Variants in CEACAM19 observed in about 807,000 individuals in gnomAD.
CEACAM19 encodes CEA cell adhesion molecule 19.
Under a neutral mutation model 37.6 loss-of-function variants are expected in CEACAM19, and 37 were observed. The observed-to-expected ratio is 0.98, with a 90% CI of 0.76 to 1.29. The LOEUF (loss-of-function observed/expected upper bound fraction) is 1.29. CEACAM19 is among the 50% of genes most tolerant of loss of function. The pLI is 0.00. For missense variants in CEACAM19, 340 were observed against 375.6 expected (o/e 0.91, Z 0.78); for synonymous variants, 140 against 149.8 (o/e 0.93, Z 0.48).
Position 44,680,312 on chromosome 19 carries a change from A to AT in CEACAM19, c.686dup (p.Leu229PhefsTer6). 1 of 1,610,718 alleles carries AT rather than the reference A, an allele frequency of 6.2e-7. No individual in the cohort carries two copies. Among genetic ancestry groups the AT allele is most frequent in the Non-Finnish European group, 8.5e-7 (1 of 1,179,404 alleles). On this transcript the variant is annotated frameshift_variant, in exon 5 of 8. Transcript: ENST00000358777. LOFTEE classifies it high-confidence loss of function. ...GGATGGCGACCACAGAGAAGCCAGA[A>AT]TTGGGCCCTGCTCATGATGCTGGTA...
At position 44,671,925 on chromosome 19, in the gene CEACAM19, C is replaced by G; in HGVS notation, c.-7C>G. ...GTGGCCCCTTGGCATTTCCACAAGA[C>G]GCCAAGATGGAGATTCCCATGGGGA... On this transcript the variant is annotated 5_prime_UTR_variant, in exon 1 of 8. Coordinates refer to ENST00000358777, the MANE Select transcript of CEACAM19 (RefSeq NM_001127893.3). 1 of 1,603,590 alleles carries G rather than the reference C, an allele frequency of 6.2e-7. No individual in the cohort carries two copies. The highest frequency in any genetic ancestry group is 8.5e-7 in the Non-Finnish European group (1 of 1,175,224).
chr19:44,676,104 A>G (rs908156091), intron 2 of CEACAM19, among the ~76,000 whole-genome samples, 167 bp from the exon 3 acceptor site: 2 of 151,998 alleles, frequency 1.3e-5, no homozygotes, highest in Non-Finnish European at 2.9e-5. Flanking sequence ...TGCCACCCAG[A>G]TGGTTGGATA....
intron 1 of CEACAM19, 194 bp from the exon 2 acceptor site, chr19:44,672,402 G>A (rs1973870818): frequency 3.6e-6 from 2 of 553,822 alleles, no homozygotes; most frequent in Admixed American, 7.1e-5. Context: ...CAACAGGATG[G>A]CAAATCTGTG....
At chr19:44,678,771 C>T (rs1973999476) in intron 3 of CEACAM19, 82 bp from the exon 4 acceptor site, 12 of 1,556,786 alleles carry the variant, frequency 7.7e-6, no homozygotes, top group Admixed American at 1.8e-5. Flanking sequence ...CTCCATTTTC[C>T]TTCATAGGGA....
At position 44,681,330 on chromosome 19, in the gene CEACAM19, C is replaced by T. The variant is rs567810854; in HGVS notation, c.792+18C>T. 5.0e-6 allele frequency: 8 copies of T among 1,584,500 alleles called. No homozygotes were observed. In the South Asian group the frequency reaches 7.8e-5, roughly 15 times the overall value. On this transcript the variant is annotated intron_variant, in intron 6 of 7. Transcript: ENST00000358777. ...CAGCCCGGGTGAGTCCCGTCCCCAG[C>T]CTCTCCCCTGAAGCCAATGCTAACA...
At chr19:44,672,517 A>C in intron 1 of CEACAM19, 79 bp from the exon 2 acceptor site, 4 of 1,362,814 alleles carry the variant, frequency 2.9e-6, no homozygotes, top group Non-Finnish European at 3.8e-6. Flanking sequence ...TCCCCGCTGA[A>C]GATCTGTATC....
chr19:44,681,253 C>T lies in CEACAM19; in HGVS notation c.733C>T (p.Pro245Ser), dbSNP rs765208823. The T allele has an allele frequency of 1.2e-6, 2 of 1,614,020 alleles. No individual in the cohort carries two copies. Among genetic ancestry groups the T allele is most frequent in the South Asian group, 2.2e-5 (2 of 91,046 alleles). Residue 245 changes from proline (P) to serine (S), a missense_variant, in exon 6 of 8, where the codon CCC becomes TCC. Pro to Ser is a moderately conservative substitution (Grantham distance 74). Transcript: ENST00000358777. ...AGDNNIYEVMPSPVLLVSPIS... is the reference protein window; with the variant it reads ...AGDNNIYEVMSSPVLLVSPIS... ...TGACAACAACATCTATGAAGTGATG[C>T]CCTCTCCAGTCCTCCTGGTGTCCCC...
intron 2 of CEACAM19, chr19:44,673,918 T>C (rs1973900769): frequency 6.6e-6 from 1 of 152,162 alleles, no homozygotes; most frequent in Admixed American, 6.5e-5. Flanking sequence ...AATTTATATG[T>C]TGAAATCCTA....
rs1321100968 is a variant in CEACAM19 at position 44,683,596 on chromosome 19, G to A, written c.*106G>A. 10 of 658,944 alleles carry A rather than the reference G, an allele frequency of 1.5e-5. No individual in the cohort carries two copies. The highest frequency in any genetic ancestry group is 6.2e-5 in the East Asian group (2 of 32,442). The allele number at this position is 658,944 out of a possible 1,614,324, so 40.8% of individuals were successfully genotyped here. A position where few individuals can be genotyped will look rare whatever the true frequency, so the allele number is the denominator to read the frequency against. ...CAAGGCCATTGGGGGCTGTGGGGCC[G>A]ATGAGGTGGACTCAGCCAAAGACTC... On this transcript the variant is annotated 3_prime_UTR_variant, in exon 8 of 8. Transcript: ENST00000358777.
chr19:44,672,664 C>T lies in CEACAM19; in HGVS notation c.124C>T (p.Gln42Ter). 6.5e-7 allele frequency: 1 copy of T among 1,533,362 alleles called. No homozygotes were observed. Among genetic ancestry groups the T allele is most frequent in the Non-Finnish European group, 8.8e-7 (1 of 1,138,962 alleles). The allele number at this position is 1,533,362 out of a possible 1,614,324, so 95.0% of individuals were successfully genotyped here. A position where few individuals can be genotyped will look rare whatever the true frequency, so the allele number is the denominator to read the frequency against. Residue 42 changes from glutamine (Q) to a stop codon, truncating the protein, a stop_gained, in exon 2 of 8, where the codon CAG (glutamine) becomes TAG (stop). Transcript: ENST00000358777. LOFTEE classifies it high-confidence loss of function. ...TCTCTACATCCAGAAGATTCCAGAG[C>T]AGCCTCAAAAGAACCAGGACCTTCT... is the stretch of plus-strand genomic sequence containing the variant. Reference protein sequence around the residue: ...AALYIQKIPEQPQKNQDLLLS... With the variant: ...AALYIQKIPE
rs190820977 is a variant in CEACAM19 at position 44,681,153 on chromosome 19, G to A, written c.707-74G>A. 4 of 966,020 alleles carry A rather than the reference G, an allele frequency of 4.1e-6. No individual in the cohort carries two copies. The African/African-American group carries it at 4.9e-5, about 12-fold the overall frequency. The allele number at this position is 966,020 out of a possible 1,614,324, so 59.8% of individuals were successfully genotyped here. ...ATGTTAGTTGAATAAATAAATAAAT[G>A]AATGTCAACAGGCAGTCAGAGTGGC... On this transcript the variant is annotated intron_variant, in intron 5 of 7. Coordinates refer to ENST00000358777, the MANE Select transcript of CEACAM19 (RefSeq NM_001127893.3).
chr19:44,683,424 T>TC lies in CEACAM19; in HGVS notation c.847-7dup. The TC allele has an allele frequency of 3.4e-6, 5 of 1,482,956 alleles. No individual in the cohort carries two copies. The highest frequency in any genetic ancestry group is 4.6e-6 in the Non-Finnish European group (5 of 1,094,618). The allele number at this position is 1,482,956 out of a possible 1,614,324, so 91.9% of individuals were successfully genotyped here. The stretch of plus-strand genomic sequence containing the variant: ...ACCCAGTCATAATTCTGTTCTCTCT[T>TC]CCCCCCAAGCAGGACCTGCTAAACC... On this transcript the variant is annotated splice_polypyrimidine_tract_variant and intron_variant, in intron 7 of 7. Coordinates refer to ENST00000358777, the MANE Select transcript of CEACAM19 (RefSeq NM_001127893.3).
At position 44,678,755 on chromosome 19, in the gene CEACAM19, C is replaced by A. The variant is rs1973998977; in HGVS notation, c.576-98C>A. 1.1e-5 allele frequency: 17 copies of A among 1,512,346 alleles called. No homozygotes were observed. The East Asian group carries it at 3.7e-4, about 33-fold the overall frequency. 93.7% of individuals were successfully genotyped at this position (1,512,346 alleles called of 1,614,324 possible). ...CCGCACACACACCTTCCACCCCCTC[C>A]CCCCTCTCCATTTTCCTTCATAGGG... On this transcript the variant is annotated intron_variant, in intron 3 of 7. Transcript: ENST00000358777.
intron 7 of CEACAM19, chr19:44,682,822 A>G: frequency 1.9e-6 from 1 of 537,546 alleles, no homozygotes; most frequent in Non-Finnish European, 3.3e-6. Context: ...CCAAGGCTGC[A>G]ATTTCCTTCT....
chr19:44,672,367 T>A (rs1973870053), intron 1 of CEACAM19: 1 of 469,026 alleles, frequency 2.1e-6, no homozygotes, highest in African/African-American at 2.0e-5. Flanking sequence ...CCACACAGCA[T>A]CTCAAGGTAG....
chr19:44,667,901 A>G (rs1359572523), upstream of CEACAM19, among the ~76,000 whole-genome samples: 285 of 74,386 alleles, frequency 3.8e-3, 7 homozygotes, highest in African/African-American at 0.017. Flanking sequence ...TATATATAAT[A>G]TATAAAATAT....
upstream of CEACAM19, among the ~76,000 whole-genome samples, chr19:44,669,669 T>C (rs1973823798): frequency 6.6e-6 from 1 of 152,118 alleles, no homozygotes; most frequent in South Asian, 2.1e-4. Flanking sequence ...TTGCTATTTA[T>C]GCTGCCTGGT....
At chr19:44,670,719 T>C (rs181866660), upstream of CEACAM19, among the ~76,000 whole-genome samples, 311 of 140,514 alleles carry the variant, frequency 2.2e-3, no homozygotes, top group African/African-American at 7.7e-3. Flanking sequence ...ATAGGTGACA[T>C]ATTTAAATGG....
chr19:44,673,490 G>A (rs1026048767), intron 2 of CEACAM19, among the ~76,000 whole-genome samples: 2 of 152,164 alleles, frequency 1.3e-5, no homozygotes, highest in African/African-American at 4.8e-5. Flanking sequence ...CTAGTAGAGG[G>A]TTTGTGCATT....
Sources: gnomAD v4.1 joint callset for allele counts (sites outside exome capture counted in the v4.1 genomes callset) on GRCh38, gnomAD v4.1.1 for gene constraint, MANE v1.5 for transcripts, NCBI Gene and HGNC (gene_info 2026-07-23, HGNC 2026-07-21) for gene names.